MACROD2: variants seen among roughly 807,000 people sequenced by gnomAD.
MACROD2 encodes ADP-ribose glycohydrolase MACROD2.
Under a neutral mutation model 70.4 loss-of-function variants are expected in MACROD2, and 36 were observed. That is an observed-to-expected ratio of 0.51 (90% CI 0.39 to 0.68). MACROD2 has a LOEUF of 0.68. Ranked by LOEUF, MACROD2 falls within the 30% of genes least tolerant of loss-of-function variation. The pLI is 0.00. For synonymous variants in MACROD2, 172 were observed against 178.8 expected, an observed-to-expected ratio of 0.96 and a Z score of 0.30; for missense variants, 496 against 538.4, an observed-to-expected ratio of 0.92 and a Z score of 0.78.
chr20:14,455,036 T>G (rs2122997489), intron 3 of MACROD2, among the ~76,000 whole-genome samples: 1 of 151,926 alleles, frequency 6.6e-6, no homozygotes, highest in Admixed American at 6.5e-5. Context: ...CTCTTTCTGT[T>G]GCACTGTGCT....
At chr20:14,254,354 A>G (rs1350250307) in intron 3 of MACROD2, among the ~76,000 whole-genome samples, 1 of 152,094 alleles carries the variant, frequency 6.6e-6, no homozygotes, top group Admixed American at 6.6e-5. Flanking sequence ...ATGTATCTAC[A>G]TGATTAGCAC....
At chr20:14,003,942 G>A (rs548901345) in intron 2 of MACROD2, among the ~76,000 whole-genome samples, 43 of 151,980 alleles carry the variant, frequency 2.8e-4, no homozygotes, top group Non-Finnish European at 5.9e-4. Context: ...TTCTTTTTTT[G>A]TTTATAAGCA....
At chr20:15,491,599 A>G (rs2047232384) in intron 7 of MACROD2, among the ~76,000 whole-genome samples, 1 of 152,338 alleles carries the variant, frequency 6.6e-6, no homozygotes, top group East Asian at 1.9e-4. Context: ...GGGAAACTAT[A>G]AAGCACACAC....
At chr20:14,089,691 C>A (rs1448240743) in intron 3 of MACROD2, among the ~76,000 whole-genome samples, 1 of 152,068 alleles carries the variant, frequency 6.6e-6, no homozygotes, top group African/African-American at 2.4e-5. Flanking sequence ...GGCAGTAGCA[C>A]AAGTTTAGAG....
rs111666303 is a variant in MACROD2 at position 15,628,885 on chromosome 20, G to T, written c.645+129038G>T. On this transcript the variant is annotated intron_variant, in intron 8 of 17. Coordinates refer to ENST00000684519, the MANE Select transcript of MACROD2 (RefSeq NM_001351661.2). ...TAAATGAAATCATATGGTGTGTATT[G>T]GTTTCTTTGACTCAATATTATGGTT... Among the ~76,000 whole-genome samples the T allele has an allele frequency of 9.9e-3, 1,513 of 152,214 alleles. 12 individuals carry two copies. The highest frequency in any genetic ancestry group is 0.02 in the Middle Eastern group (6 of 294).
At chr20:14,248,723 A>C (rs938790147) in intron 3 of MACROD2, among the ~76,000 whole-genome samples, 3 of 152,192 alleles carry the variant, frequency 2.0e-5, no homozygotes, top group Admixed American at 1.3e-4. Context: ...GTATATGCAG[A>C]TATTCCAAAA....
intron 7 of MACROD2, among the ~76,000 whole-genome samples, chr20:15,489,998 C>T (rs947375096): frequency 2.6e-5 from 4 of 152,120 alleles, no homozygotes; most frequent in African/African-American, 7.2e-5. Context: ...GCCTAGGCTC[C>T]CACCCATGCC....
chr20:15,212,877 AC>A (rs2076776253), intron 5 of MACROD2, among the ~76,000 whole-genome samples: 1 of 152,110 alleles, frequency 6.6e-6, no homozygotes, highest in Non-Finnish European at 1.5e-5. Flanking sequence ...CTTTTTCTCC[AC>A]CCCTACTCCA....
intron 8 of MACROD2, among the ~76,000 whole-genome samples, chr20:15,507,041 C>A (rs141944912): frequency 6.6e-6 from 1 of 152,034 alleles, no homozygotes; most frequent in Non-Finnish European, 1.5e-5. Context: ...AATATGCTGC[C>A]GTAAAAACGT....
chr20:15,416,733 T>C lies in MACROD2; in HGVS notation c.541-14672T>C, dbSNP rs543385420. ...TCCTGGCTAACATGGTGATACCCCA[T>C]CTCTACTAAAAATACAAAAAATTAG... On this transcript the variant is annotated intron_variant, in intron 6 of 17. Transcript: ENST00000684519. Among the ~76,000 whole-genome samples the C allele has an allele frequency of 1.4e-4, 21 of 151,648 alleles. No homozygotes were observed. The East Asian group carries it at 1.6e-3, about 11-fold the overall frequency.
intron 6 of MACROD2, among the ~76,000 whole-genome samples, chr20:15,310,286 G>A (rs2077738374): frequency 1.3e-5 from 2 of 152,190 alleles, no homozygotes; most frequent in African/African-American, 2.4e-5. Flanking sequence ...GGCAACTGAC[G>A]AGCCTGGAAG....
chr20:14,002,249 C>T (rs758284532), intron 1 of MACROD2, 39 bp from the exon 2 acceptor site: 22 of 1,322,854 alleles, frequency 1.7e-5, no homozygotes, highest in Middle Eastern at 1.9e-4. Flanking sequence ...CATGTTTAAA[C>T]GTTAAATACA....
In MACROD2 at chr20:15,684,185, T is replaced by C. The variant is rs75694869; in HGVS notation, c.646-178560T>C. 2.7e-3 allele frequency among the ~76,000 whole-genome samples: 418 copies of C among 152,290 alleles called. 3 individuals are homozygous for C. Among genetic ancestry groups the C allele is most frequent in the African/African-American group, 9.6e-3 (397 of 41,560 alleles). Reference sequence around the variant, plus strand: ...CCAAGGAATGATGGTCCACCCCAGATTGGCTTGTGATTTCTTCCTATACAG... The same window carrying C: ...CCAAGGAATGATGGTCCACCCCAGACTGGCTTGTGATTTCTTCCTATACAG... On this transcript the variant is annotated intron_variant, in intron 8 of 17. Transcript: ENST00000684519.
intron 2 of MACROD2, among the ~76,000 whole-genome samples, chr20:14,078,551 C>T (rs1055949018): frequency 5.3e-5 from 8 of 152,064 alleles, no homozygotes; most frequent in African/African-American, 9.7e-5. Flanking sequence ...GGATTACAGG[C>T]GCCTACCACC....
In MACROD2 at chr20:14,690,308, A is replaced by G. The variant is rs115050168; in HGVS notation, c.418+5349A>G. 4.7e-3 allele frequency among the ~76,000 whole-genome samples: 711 copies of G among 152,320 alleles called. 3 individuals are homozygous for G. The highest frequency in any genetic ancestry group is 0.016 in the African/African-American group (679 of 41,564). ...AAGGCATCAAGGGGTAATATTGACT[A>G]ACTCAAGGTTTTCATTAATCATTTG... On this transcript the variant is annotated intron_variant, in intron 5 of 17. Transcript: ENST00000684519.
intron 3 of MACROD2, among the ~76,000 whole-genome samples, chr20:14,474,233 CA>C (rs926756958): frequency 1.1e-4 from 17 of 151,774 alleles, no homozygotes; most frequent in African/African-American, 4.1e-4. Context: ...AGGTCTTATC[CA>C]AAAAAACCTT....
chr20:14,117,596 T>C (rs1180525801), intron 3 of MACROD2, among the ~76,000 whole-genome samples: 1 of 152,202 alleles, frequency 6.6e-6, no homozygotes, highest in African/African-American at 2.4e-5. Flanking sequence ...CATAGCTTTT[T>C]CTTCTTAATA....
chr20:16,002,974 T>A (rs893733451), intron 15 of MACROD2, among the ~76,000 whole-genome samples: 2 of 152,042 alleles, frequency 1.3e-5, no homozygotes, highest in African/African-American at 2.4e-5. Context: ...CAGTTGCACT[T>A]TCAATGATGT....
chr20:14,909,612 G>A (rs2074001428), intron 5 of MACROD2, among the ~76,000 whole-genome samples: 1 of 151,950 alleles, frequency 6.6e-6, no homozygotes, highest in Non-Finnish European at 1.5e-5. Flanking sequence ...CAAAGAAGCT[G>A]TTGAATAAGG....
Sources: gnomAD v4.1 joint callset for allele counts (sites outside exome capture counted in the v4.1 genomes callset) on GRCh38, gnomAD v4.1.1 for gene constraint, MANE v1.5 for transcripts, NCBI Gene and HGNC (gene_info 2026-07-23, HGNC 2026-07-21) for gene names.